ETNK1: variants seen among roughly 807,000 people sequenced by gnomAD.
ETNK1 encodes the protein putative protein product of Nbla10396.
ETNK1 carries 8 observed loss-of-function variants against 45.1 expected under a neutral mutation model. The ratio of observed to expected loss-of-function variants is 0.18; its 90% CI spans 0.10 to 0.32. The LOEUF is 0.32. Among genes scored for constraint, ETNK1 ranks in the 10% least tolerant of loss-of-function variants. ETNK1 has a pLI of 1.00. For missense variants in ETNK1, 302 were observed against 430.6 expected (o/e 0.70, Z 2.64); for synonymous variants, 152 against 151.9 (o/e 1.00, Z -0.01).
chr12:22,670,030 T>G (rs1254600225), intron 4 of ETNK1, among the ~76,000 whole-genome samples: 2 of 152,150 alleles, frequency 1.3e-5, no homozygotes, highest in Non-Finnish European at 2.9e-5. Context: ...ATTTTTGCTT[T>G]TATGTAAAAC....
chr12:22,630,886 C>G (rs1406850257), intron 1 of ETNK1, among the ~76,000 whole-genome samples: 1 of 152,120 alleles, frequency 6.6e-6, no homozygotes, highest in Non-Finnish European at 1.5e-5. Context: ...ACTGGGATTA[C>G]AGGCATGAGC....
intron 2 of ETNK1, chr12:22,644,674 A>G (rs1953784176): frequency 1.3e-5 from 2 of 153,646 alleles, no homozygotes. Flanking sequence ...ATGTTTATCA[A>G]TATTTACCAT....
chr12:22,645,507 C>G lies in ETNK1; in HGVS notation c.416+1485C>G, dbSNP rs1453605700. Among the ~76,000 whole-genome samples, 8 of 151,818 alleles carry G rather than the reference C, an allele frequency of 5.3e-5. No individual in the cohort carries two copies. The East Asian group carries it at 1.5e-3, about 29-fold the overall frequency. ...TTTCTATACTTTTTGGTTAGATCTA[C>G]TTACTTATTATTTCTTTCCCAAATG... On this transcript the variant is annotated intron_variant, in intron 2 of 7. Coordinates refer to ENST00000266517, the MANE Select transcript of ETNK1 (RefSeq NM_018638.5).
In ETNK1 at chr12:22,686,770, T is replaced by C. The variant is rs886079022; in HGVS notation, c.*1816T>C. 6.6e-6 allele frequency: 1 copy of C among 151,962 alleles called. No homozygotes were observed. The highest frequency in any genetic ancestry group is 1.9e-4 in the East Asian group (1 of 5,176). 9.4% of individuals were successfully genotyped at this position (151,962 alleles called of 1,614,324 possible). ...AGCTTTTTATAATGTTAGTGTGAAC[T>C]TGAAAAATTGTTTTTGGTGGAATTT... On this transcript the variant is annotated 3_prime_UTR_variant, in exon 8 of 8. Coordinates refer to ENST00000266517, the MANE Select transcript of ETNK1 (RefSeq NM_018638.5).
chr12:22,651,503 C>T (rs1170196705), intron 2 of ETNK1, among the ~76,000 whole-genome samples: 1 of 152,028 alleles, frequency 6.6e-6, no homozygotes, highest in Non-Finnish European at 1.5e-5. Flanking sequence ...AAAGGGAGTC[C>T]TTACCGAGAA....
At chr12:22,669,883 T>A (rs1954090638) in intron 4 of ETNK1, among the ~76,000 whole-genome samples, 1 of 152,066 alleles carries the variant, frequency 6.6e-6, no homozygotes, top group South Asian at 2.1e-4. Context: ...CCAATATTTT[T>A]AAATCTTATA....
rs1285938869 is a variant in ETNK1 at position 22,685,787 on chromosome 12, T to C, written c.*833T>C. On this transcript the variant is annotated 3_prime_UTR_variant, in exon 8 of 8. Transcript: ENST00000266517. Reference sequence around the variant, plus strand: ...TTCTAACCAAAAATTTCCTTTTACTTCTAGAGATGCTTTATGTTTTTGATT... The same window carrying C: ...TTCTAACCAAAAATTTCCTTTTACTCCTAGAGATGCTTTATGTTTTTGATT... 6.6e-6 allele frequency: 1 copy of C among 151,898 alleles called. No homozygotes were observed. The highest frequency in any genetic ancestry group is 1.5e-5 in the Non-Finnish European group (1 of 67,796). 9.4% of individuals were successfully genotyped at this position (151,898 alleles called of 1,614,324 possible). A position where few individuals can be genotyped will look rare whatever the true frequency, so the allele number is the denominator to read the frequency against.
At chr12:22,626,908 C>T (rs886283848) in intron 1 of ETNK1, among the ~76,000 whole-genome samples, 6 of 152,024 alleles carry the variant, frequency 3.9e-5, no homozygotes, top group African/African-American at 1.4e-4. Flanking sequence ...TTTAGTTTAT[C>T]AATTTGTTTG....
At chr12:22,640,081 G>T (rs1010222704) in intron 1 of ETNK1, among the ~76,000 whole-genome samples, 1 of 152,150 alleles carries the variant, frequency 6.6e-6, no homozygotes, top group Non-Finnish European at 1.5e-5. Context: ...AGACCCTTGG[G>T]TTGTTGGAAT....
chr12:22,636,422 C>A (rs1186443898), intron 1 of ETNK1, among the ~76,000 whole-genome samples: 1 of 151,770 alleles, frequency 6.6e-6, no homozygotes, highest in Non-Finnish European at 1.5e-5. Context: ...TGCTCTATAT[C>A]TTTTGAAGCT....
intron 2 of ETNK1, among the ~76,000 whole-genome samples, chr12:22,644,857 CTT>C (rs1953786854): frequency 6.6e-6 from 1 of 151,898 alleles, no homozygotes; most frequent in Admixed American, 6.6e-5. Flanking sequence ...ATAGTTTCAA[CTT>C]TACAAAGCTC....
Position 22,625,457 on chromosome 12 carries a change from C to T in ETNK1, c.27C>T (p.Pro9=), listed in dbSNP as rs1164045170. The T allele has an allele frequency of 6.3e-7, 1 of 1,597,130 alleles. No individual in the cohort carries two copies. Among genetic ancestry groups the T allele is most frequent in the Non-Finnish European group, 8.5e-7 (1 of 1,172,312 alleles). ...TGGCCAATTACATCCACGTCCCTCC[C>T]GGCTCCCCGGAGGTGCCCAAGCTGA... is the stretch of plus-strand genomic sequence containing the variant. MANYIHVP[P]GSPEVPKLNV... The change falls in exon 1 of 8, where the codon CCC becomes CCT. Residue 9 remains proline (P), a synonymous_variant. Coordinates refer to ENST00000266517, the MANE Select transcript of ETNK1 (RefSeq NM_018638.5).
In ETNK1 at chr12:22,629,889, C is replaced by T. The variant is rs564367601; in HGVS notation, c.156+4303C>T. On this transcript the variant is annotated intron_variant, in intron 1 of 7. Transcript: ENST00000266517. ...CATCCAGTTTTCTGTTTCCTATTCC[C>T]TCCCTGTCTTCAGCATTTTAGAATA... 2.5e-3 allele frequency among the ~76,000 whole-genome samples: 378 copies of T among 152,238 alleles called. 2 individuals carry two copies. Among genetic ancestry groups the T allele is most frequent in the African/African-American group, 8.7e-3 (362 of 41,542 alleles).
At chr12:22,642,913 A>G (rs1953757149) in intron 1 of ETNK1, among the ~76,000 whole-genome samples, 1 of 152,050 alleles carries the variant, frequency 6.6e-6, no homozygotes, top group Admixed American at 6.6e-5. Flanking sequence ...TTTTATAACT[A>G]GTATTGCTAA....
chr12:22,643,829 G>A lies in ETNK1; in HGVS notation c.223G>A (p.Val75Ile), dbSNP rs778931431. The change falls in exon 2 of 8, where the codon GTC (valine) becomes ATC (isoleucine). Residue 75 changes from valine to isoleucine, a missense_variant. Physicochemically the swap from Val to Ile is conservative, Grantham distance 29 (BLOSUM62 3). Coordinates refer to ENST00000266517, the MANE Select transcript of ETNK1 (RefSeq NM_018638.5). Reference sequence around the variant, plus strand: ...CGTGGGAAACACCATGGAGGATGTAGTCCTGGTGAGAATTTATGGCAATAA... The same window carrying A: ...CGTGGGAAACACCATGGAGGATGTAATCCTGGTGAGAATTTATGGCAATAA... The part of the protein sequence containing the change: ...CYVGNTMEDV[V>I]LVRIYGNKTE... 11 of 1,613,196 alleles carry A rather than the reference G, an allele frequency of 6.8e-6. No individual in the cohort carries two copies. The highest frequency in any genetic ancestry group is 8.5e-6 in the Non-Finnish European group (10 of 1,179,416).
At chr12:22,627,769 C>A (rs1953523415) in intron 1 of ETNK1, among the ~76,000 whole-genome samples, 1 of 151,778 alleles carries the variant, frequency 6.6e-6, no homozygotes, top group Non-Finnish European at 1.5e-5. Flanking sequence ...CAGTTTTTTT[C>A]TAACATTTTT....
intron 1 of ETNK1, among the ~76,000 whole-genome samples, chr12:22,637,476 C>T (rs1444859017): frequency 6.6e-6 from 1 of 152,146 alleles, no homozygotes; most frequent in Non-Finnish European, 1.5e-5. Flanking sequence ...AAAATCTTAT[C>T]CCCAAGTGTC....
intron 2 of ETNK1, among the ~76,000 whole-genome samples, chr12:22,658,486 C>G (rs181682828): frequency 6.6e-6 from 1 of 152,232 alleles, no homozygotes; most frequent in Non-Finnish European, 1.5e-5. Flanking sequence ...TGAGTCACAG[C>G]ACCATAACTG....
intron 2 of ETNK1, among the ~76,000 whole-genome samples, chr12:22,656,048 T>C (rs1953937140): frequency 6.6e-6 from 1 of 152,220 alleles, no homozygotes; most frequent in African/African-American, 2.4e-5. Context: ...CTTTCTCTTC[T>C]AGCAGCTATT....
Sources: gnomAD v4.1 joint callset for allele counts (sites outside exome capture counted in the v4.1 genomes callset) on GRCh38, gnomAD v4.1.1 for gene constraint, MANE v1.5 for transcripts, NCBI Gene and HGNC (gene_info 2026-07-23, HGNC 2026-07-21) for gene names.